CCNI2: variants seen among roughly 807,000 people sequenced by gnomAD.
CCNI2 encodes the protein cyclin-I2.
Under a neutral mutation model 33.2 loss-of-function variants are expected in CCNI2, and 32 were observed. The ratio of observed to expected loss-of-function variants is 0.96; its 90% confidence interval spans 0.73 to 1.30. The LOEUF (loss-of-function observed/expected upper bound fraction) is 1.30, where lower values mean the gene tolerates loss of function less well. CCNI2 is among the 50% of genes most tolerant of loss of function. CCNI2 has a pLI of 0.00. For synonymous variants in CCNI2, 231 were observed against 219.9 expected, an observed-to-expected ratio of 1.05 and a Z score of -0.45; for missense variants, 452 against 486.2, an observed-to-expected ratio of 0.93 and a Z score of 0.66.
In CCNI2 at chr5:132,750,973, G is replaced by A. The variant is rs768496912; in HGVS notation, c.750G>A (p.Gly250=). The change falls in exon 4 of 6, where the codon GGG becomes GGA. Residue 250 remains glycine (G), a synonymous_variant. Transcript: ENST00000378731. ...GACTGCACTGGGACCTCTATATTGG[G>A]ACGCCGCTGGACTTCTTGACTATAG... The part of the protein sequence containing the change: ...LDRLHWDLYI[G]TPLDFLTIFH... 6.2e-7 allele frequency: 1 copy of A among 1,614,048 alleles called. No individual in the cohort carries two copies. The highest frequency in any genetic ancestry group is 1.3e-5 in the African/African-American group (1 of 75,046).
At chr5:132,752,467 G>C (rs1292568431) in intron 5 of CCNI2, among the ~76,000 whole-genome samples, 2 of 152,154 alleles carry the variant, frequency 1.3e-5, no homozygotes, top group Non-Finnish European at 2.9e-5. Flanking sequence ...GTAGCCAAGA[G>C]GACTGTGGGG....
At chr5:132,748,028 T>TGGGGAAGG in intron 1 of CCNI2, 104 bp downstream of exon 1, 1 of 921,300 alleles carries the variant, frequency 1.1e-6, no homozygotes. Context: ...GGCCGGGCCC[T>TGGGGAAGG]TCCCCAGGTG....
Position 132,752,010 on chromosome 5 carries a change from G to A in CCNI2, c.819G>A (p.Leu273=). 1 of 1,612,238 alleles carries A rather than the reference G, an allele frequency of 6.2e-7. No individual in the cohort carries two copies. The highest frequency in any genetic ancestry group is 8.5e-7 in the Non-Finnish European group (1 of 1,179,398). Residue 273 remains leucine, a synonymous_variant, in exon 5 of 6, where the codon CTG becomes CTA. Coordinates refer to ENST00000378731, the MANE Select transcript of CCNI2 (RefSeq NM_001039780.4). The part of the protein sequence containing the change: ...VVLSWPHVLE[L]LPQRNPSLHV... Reference sequence around the variant, plus strand: ...TGAGCTGGCCCCATGTGTTGGAGCTGCTGCCTCAGAGGAATCCTTCCCTCC... The same window carrying A: ...TGAGCTGGCCCCATGTGTTGGAGCTACTGCCTCAGAGGAATCCTTCCCTCC...
rs73787060 is a variant in CCNI2 at position 132,754,149 on chromosome 5, A to G, written c.*1179A>G. ...TTGTTGGTGCTTTCGTTAAAATTAC[A>G]CTTTAATTGCTTCCGATCCTGTATG... On this transcript the variant is annotated 3_prime_UTR_variant, in exon 6 of 6. Coordinates refer to ENST00000378731, the MANE Select transcript of CCNI2 (RefSeq NM_001039780.4). The G allele has an allele frequency of 2.3e-3, 930 of 413,086 alleles. 3 individuals carry two copies. The highest frequency in any genetic ancestry group is 0.017 in the African/African-American group (841 of 50,290). The allele number at this position is 413,086 out of a possible 1,614,324, so 25.6% of individuals were successfully genotyped here.
intron 3 of CCNI2, among the ~76,000 whole-genome samples, chr5:132,750,200 T>C (rs761558873): frequency 1.3e-5 from 2 of 152,198 alleles, no homozygotes; most frequent in Non-Finnish European, 2.9e-5. Context: ...CAACTAAAAA[T>C]CAAGTGACCC....
At position 132,752,748 on chromosome 5, in the gene CCNI2, T is replaced by C; in HGVS notation, c.1006-118T>C. ...CTGAGATGGTAGGATTAGTGGTCCT[T>C]AGTTGGGTGGTTGGACCTTCCTGAA... On this transcript the variant is annotated intron_variant, in intron 5 of 5. Coordinates refer to ENST00000378731, the MANE Select transcript of CCNI2 (RefSeq NM_001039780.4). The C allele has an allele frequency of 2.7e-6, 2 of 735,286 alleles. 1 individual carries two copies. The highest frequency in any genetic ancestry group is 5.3e-4 in the Middle Eastern group (2 of 3,798). 45.5% of individuals were successfully genotyped at this position (735,286 alleles called of 1,614,324 possible).
chr5:132,753,176 TG>T lies in CCNI2; in HGVS notation c.*208del. ...AGGCTGAGGTCAGTAGAGGTCAGGG[TG>T]GTCTGATAGACTATGACCCTGTCTT... On this transcript the variant is annotated 3_prime_UTR_variant, in exon 6 of 6. Transcript: ENST00000378731. 1 of 580,734 alleles carries T rather than the reference TG, an allele frequency of 1.7e-6. No individual in the cohort carries two copies. The allele number at this position is 580,734 out of a possible 1,614,324, so 36.0% of individuals were successfully genotyped here. A position where few individuals can be genotyped will look rare whatever the true frequency, so the allele number is the denominator to read the frequency against.
Position 132,753,339 on chromosome 5 carries a change from G to C in CCNI2, c.*369G>C. On this transcript the variant is annotated 3_prime_UTR_variant, in exon 6 of 6. Transcript: ENST00000378731. ...GAATATGAAACCAAGAGGCAGGCCTGGCTCAGGGCTGAAGGGCTGGGGCTA... is the reference window on the plus strand; with the variant it reads ...GAATATGAAACCAAGAGGCAGGCCTCGCTCAGGGCTGAAGGGCTGGGGCTA... 4.0e-6 allele frequency: 1 copy of C among 250,534 alleles called. No individual in the cohort carries two copies. Among genetic ancestry groups the C allele is most frequent in the Non-Finnish European group, 8.0e-6 (1 of 125,164 alleles). 15.5% of individuals were successfully genotyped at this position (250,534 alleles called of 1,614,324 possible).
chr5:132,753,026 GACTA>G lies in CCNI2; in HGVS notation c.*57_*60del, dbSNP rs1270259972. The G allele has an allele frequency of 5.9e-6, 8 of 1,354,078 alleles. No homozygotes were observed. The highest frequency in any genetic ancestry group is 1.4e-5 in the African/African-American group (1 of 69,988). The allele number at this position is 1,354,078 out of a possible 1,614,324, so 83.9% of individuals were successfully genotyped here. ...GCATAGTGTGAAACCTCCTTGCTTG[GACTA>G]CCATGAGTTCTTTGGCTTGTTATGA... is the stretch of plus-strand genomic sequence containing the variant. On this transcript the variant is annotated 3_prime_UTR_variant, in exon 6 of 6. Coordinates refer to ENST00000378731, the MANE Select transcript of CCNI2 (RefSeq NM_001039780.4).
Position 132,753,048 on chromosome 5 carries a change from T to A in CCNI2, c.*78T>A. ...TTGGACTACCATGAGTTCTTTGGCT[T>A]GTTATGAATCCTGTAAAAAGGGAAG... On this transcript the variant is annotated 3_prime_UTR_variant, in exon 6 of 6. Transcript: ENST00000378731. The A allele has an allele frequency of 8.6e-7, 1 of 1,160,896 alleles. No homozygotes were observed. The highest frequency in any genetic ancestry group is 1.3e-6 in the Non-Finnish European group (1 of 780,832). 71.9% of individuals were successfully genotyped at this position (1,160,896 alleles called of 1,614,324 possible).
At chr5:132,752,332 C>T in intron 5 of CCNI2, 136 bp downstream of exon 5, 1 of 1,076,034 alleles carries the variant, frequency 9.3e-7, no homozygotes, top group Non-Finnish European at 1.3e-6. Context: ...AGAGTCTGCC[C>T]AAAGGCTAGG....
At chr5:132,754,661 TA>T, downstream of CCNI2, 1 of 604,456 alleles carries the variant, frequency 1.7e-6, no homozygotes, top group Non-Finnish European at 3.0e-6. Flanking sequence ...CGTGGATTTT[TA>T]AAAATCTTAT....
chr5:132,749,528 G>A (rs1223808441), intron 3 of CCNI2, 106 bp downstream of exon 3: 4 of 952,972 alleles, frequency 4.2e-6, no homozygotes, highest in Non-Finnish European at 6.6e-6. Flanking sequence ...TATGGTGGAT[G>A]TTTTGAAAAA....
In CCNI2 at chr5:132,749,403, A is replaced by C; in HGVS notation, c.614A>C (p.Lys205Thr). Residue 205 changes from lysine to threonine, a missense_variant, in exon 3 of 6, where the codon AAA (lysine) becomes ACA (threonine). By Grantham distance (78) the Lys-to-Thr change is moderately conservative (BLOSUM62 -1). Coordinates refer to ENST00000378731, the MANE Select transcript of CCNI2 (RefSeq NM_001039780.4). ...ATITSLRLAA[K>T]VNEEEEFIPQ... ...ATTACTTCCTTGAGGCTCGCTGCAAAAGTTAATGAAGAAGAGGAGGTATGC... is the reference window on the plus strand; with the variant it reads ...ATTACTTCCTTGAGGCTCGCTGCAACAGTTAATGAAGAAGAGGAGGTATGC... 1 of 1,614,148 alleles carries C rather than the reference A, an allele frequency of 6.2e-7. No individual in the cohort carries two copies. Among genetic ancestry groups the C allele is most frequent in the Non-Finnish European group, 8.5e-7 (1 of 1,179,986 alleles).
chr5:132,747,632 C>G lies in CCNI2; in HGVS notation c.137C>G (p.Ala46Gly). The G allele has an allele frequency of 6.7e-7, 1 of 1,500,988 alleles. No individual in the cohort carries two copies. The highest frequency in any genetic ancestry group is 8.8e-7 in the Non-Finnish European group (1 of 1,131,652). 93.0% of individuals were successfully genotyped at this position (1,500,988 alleles called of 1,614,324 possible). ...GVPLPPSPGE[A>G]PLPRSNRSRC... ...CCTCTCCCGCCGTCTCCGGGGGAGG[C>G]CCCTCTGCCCCGAAGCAACCGGAGC... Residue 46 changes from alanine (A) to glycine (G), a missense_variant, in exon 1 of 6, where the codon GCC (alanine) becomes GGC (glycine). By Grantham distance (60) the Ala-to-Gly change is moderately conservative. Transcript: ENST00000378731. This position sits in a 1 kb window ranked among gnomAD's most constrained non-coding sequence, Gnocchi z 4.1.
In CCNI2 at chr5:132,747,635, C is replaced by T; in HGVS notation, c.140C>T (p.Pro47Leu). The T allele has an allele frequency of 1.3e-6, 2 of 1,503,298 alleles. No individual in the cohort carries two copies. Among genetic ancestry groups the T allele is most frequent in the South Asian group, 1.2e-5 (1 of 80,366 alleles). 93.1% of individuals were successfully genotyped at this position (1,503,298 alleles called of 1,614,324 possible). A position where few individuals can be genotyped will look rare whatever the true frequency, so the allele number is the denominator to read the frequency against. The change falls in exon 1 of 6, where the codon CCT becomes CTT. Residue 47 changes from proline to leucine, a missense_variant. By Grantham distance (98) the Pro-to-Leu change is moderately conservative (BLOSUM62 -3). Coordinates refer to ENST00000378731, the MANE Select transcript of CCNI2 (RefSeq NM_001039780.4). The surrounding 1 kb of genome is among the most constrained non-coding windows in gnomAD (Gnocchi z 4.1). ...CTCCCGCCGTCTCCGGGGGAGGCCC[C>T]TCTGCCCCGAAGCAACCGGAGCAGG... ...VPLPPSPGEAPLPRSNRSRCP... is the reference protein window; with the variant it reads ...VPLPPSPGEALLPRSNRSRCP...
In CCNI2 at chr5:132,751,998, T is replaced by G. The variant is rs1303594606; in HGVS notation, c.807T>G (p.His269Gln). Residue 269 changes from histidine (H) to glutamine (Q), a missense_variant, in exon 5 of 6, where the codon CAT (histidine) becomes CAG (glutamine). Transcript: ENST00000378731. ...FHALVVLSWP[H>Q]VLELLPQRNP... ...CCCTGGTGGTCCTGAGCTGGCCCCA[T>G]GTGTTGGAGCTGCTGCCTCAGAGGA... The G allele has an allele frequency of 6.2e-7, 1 of 1,612,244 alleles. No individual in the cohort carries two copies. Among genetic ancestry groups the G allele is most frequent in the South Asian group, 1.1e-5 (1 of 90,200 alleles).
rs1469881471 is a variant in CCNI2, at chr5:132,754,225, T to A, written c.*1255T>A. On this transcript the variant is annotated 3_prime_UTR_variant, in exon 6 of 6. Transcript: ENST00000378731. The stretch of plus-strand genomic sequence containing the variant: ...TTAGCCTTGCGAGAGTCAGATACAT[T>A]TGGAACACTATCTCCTAGGTCATAT... 3.5e-6 allele frequency: 2 copies of A among 568,930 alleles called. No individual in the cohort carries two copies. Among genetic ancestry groups the A allele is most frequent in the African/African-American group, 1.9e-5 (1 of 53,206 alleles). The allele number at this position is 568,930 out of a possible 1,614,324, so 35.2% of individuals were successfully genotyped here. A position where few individuals can be genotyped will look rare whatever the true frequency, so the allele number is the denominator to read the frequency against.
downstream of CCNI2, chr5:132,754,407 C>T (rs561145065): frequency 2.8e-6 from 2 of 717,398 alleles, no homozygotes; most frequent in Admixed American, 4.0e-5. Context: ...ATCCTGAGGG[C>T]CCATACCAGT....
Sources: allele counts gnomAD v4.1 joint callset (sites outside exome capture counted in the v4.1 genomes callset), GRCh38; gene constraint gnomAD v4.1.1; non-coding constraint Gnocchi (gnomAD v3.1); transcripts MANE v1.5; gene names NCBI Gene and HGNC (gene_info 2026-07-23, HGNC 2026-07-21).